Variants in TPTE2 observed in about 807,000 individuals in gnomAD.
TPTE2 encodes the protein transmembrane phosphoinositide 3-phosphatase and tensin homolog 2.
A neutral mutation model predicts 78.6 loss-of-function variants in TPTE2; 53 were observed. The ratio of observed to expected loss-of-function variants is 0.67; its 90% CI spans 0.54 to 0.85. The LOEUF is 0.85. Among genes scored for constraint, TPTE2 ranks in the 40% least tolerant of loss-of-function variants. The pLI, the probability that TPTE2 is intolerant of heterozygous loss-of-function variation, is 0.00. For missense variants in TPTE2, 461 were observed against 623.0 expected (o/e 0.74, Z 2.77); for synonymous variants, 175 against 206.2 (o/e 0.85, Z 1.30).
Position 19,475,514 on chromosome 13 carries a change from C to T in TPTE2, c.230+59G>A, listed in dbSNP as rs1879884047. ...GTGCTGGGATTACAGGCGTGAGCCA[C>T]TGCACCCAGCCAAGTCTCAGATATA... is the stretch of plus-strand genomic sequence containing the variant. On this transcript the variant is annotated intron_variant, in intron 5 of 19. Coordinates refer to ENST00000400230, the Ensembl canonical transcript of TPTE2. 3 of 1,586,718 alleles carry T rather than the reference C, an allele frequency of 1.9e-6. No homozygotes were observed. In the South Asian group the frequency reaches 3.5e-5, roughly 18 times the overall value.
intron 4 of TPTE2, among the ~76,000 whole-genome samples, chr13:19,476,126 G>C (rs1332233992): frequency 6.6e-6 from 1 of 152,124 alleles, no homozygotes; most frequent in Non-Finnish European, 1.5e-5. Flanking sequence ...ATGAGCAAGA[G>C]TCACATATGA....
At chr13:19,538,299 C>A (rs975649136), upstream of TPTE2, among the ~76,000 whole-genome samples, 1 of 152,076 alleles carries the variant, frequency 6.6e-6, no homozygotes, top group East Asian at 1.9e-4. Flanking sequence ...CGGCTCACTG[C>A]AAGCTCCGCC....
intron 1 of TPTE2, among the ~76,000 whole-genome samples, chr13:19,533,976 T>C (rs1341089308): frequency 6.6e-6 from 1 of 152,238 alleles, no homozygotes; most frequent in Non-Finnish European, 1.5e-5. Context: ...GACAGGAACA[T>C]TAAATTTGTC....
At chr13:19,546,023 G>A in the TPTE2 span, among the ~76,000 whole-genome samples, 20 of 152,080 alleles carry the variant, frequency 1.3e-4, no homozygotes, top group African/African-American at 3.4e-4. Flanking sequence ...GTGAGACCCC[G>A]TCTCTACAGA....
intron 3 of TPTE2, among the ~76,000 whole-genome samples, chr13:19,492,508 T>C (rs1881051980): frequency 6.6e-6 from 1 of 152,100 alleles, no homozygotes; most frequent in South Asian, 2.1e-4. Context: ...GGGTGACAAA[T>C]ACACTAACAG....
At chr13:19,558,365 C>T in the TPTE2 span, among the ~76,000 whole-genome samples, 2 of 152,144 alleles carry the variant, frequency 1.3e-5, no homozygotes, top group Admixed American at 1.3e-4. Flanking sequence ...AGGCCTGACC[C>T]TATAAAGGCA....
At chr13:19,493,399 A>T (rs767002345) in intron 2 of TPTE2, 49 bp downstream of exon 5, 1 of 1,561,660 alleles carries the variant, frequency 6.4e-7, no homozygotes, top group Admixed American at 1.7e-5. Context: ...GTATAGTTCT[A>T]TGCACACTTA....
intron 1 of TPTE2, among the ~76,000 whole-genome samples, chr13:19,536,055 A>G (rs3933766): frequency 0.12 from 18,776 of 152,252 alleles, 1,268 homozygotes; most frequent in Middle Eastern, 0.16. Context: ...ACTTCCAAGC[A>G]TATAACGAAT....
chr13:19,521,799 G>A (rs1003954154), intron 1 of TPTE2, among the ~76,000 whole-genome samples: 2 of 151,934 alleles, frequency 1.3e-5, no homozygotes, highest in African/African-American at 4.8e-5. Flanking sequence ...CCATTGTGCT[G>A]TTAATGCCTT....
chr13:19,544,932 ACT>A, the TPTE2 span, among the ~76,000 whole-genome samples: 8 of 78,562 alleles, frequency 1.0e-4, no homozygotes, highest in South Asian at 5.4e-4. Flanking sequence ...ACACGTGCAC[ACT>A]CACACACACA....
intron 10 of TPTE2, among the ~76,000 whole-genome samples, chr13:19,457,210 A>C (rs1219609472): frequency 6.6e-6 from 1 of 152,196 alleles, no homozygotes; most frequent in Non-Finnish European, 1.5e-5. Flanking sequence ...TGTTGGTTAC[A>C]TGCATATATA....
At chr13:19,424,864 A>C in intron 19 of TPTE2, 83 bp downstream of exon 22, 1 of 896,538 alleles carries the variant, frequency 1.1e-6, no homozygotes, top group Non-Finnish European at 1.7e-6. Flanking sequence ...AGTTTATGAC[A>C]ACCAGCAAAA....
intron 1 of TPTE2, among the ~76,000 whole-genome samples, chr13:19,526,401 G>A (rs1487938542): frequency 1.3e-5 from 2 of 152,038 alleles, no homozygotes; most frequent in Non-Finnish European, 2.9e-5. Flanking sequence ...CAGCCTAAAA[G>A]CCTAAAAGCC....
chr13:19,464,867 C>T (rs1350315310), intron 9 of TPTE2, among the ~76,000 whole-genome samples: 2 of 152,194 alleles, frequency 1.3e-5, no homozygotes, highest in African/African-American at 4.8e-5. Flanking sequence ...GTGGGAACTC[C>T]CAAGGTGCTT....
chr13:19,516,026 A>G (rs1869769870), intron 1 of TPTE2, among the ~76,000 whole-genome samples: 1 of 152,224 alleles, frequency 6.6e-6, no homozygotes, highest in African/African-American at 2.4e-5. Context: ...GACTTCCCTC[A>G]TGGGACATGA....
chr13:19,542,108 C>A, the TPTE2 span, among the ~76,000 whole-genome samples: 2 of 152,116 alleles, frequency 1.3e-5, no homozygotes, highest in Non-Finnish European at 2.9e-5. Flanking sequence ...ATAATAGCTT[C>A]TTTAAAAATA....
exon 20 of TPTE2, chr13:19,422,943 C>G (rs1311169423): frequency 1.9e-5 from 23 of 1,184,168 alleles, no homozygotes; most frequent in Non-Finnish European, 2.7e-5. Context: ...ATAGATGCAT[C>G]ATCAAGGAAG....
chr13:19,506,317 G>A (rs1234200411), upstream of TPTE2, among the ~76,000 whole-genome samples: 9 of 148,836 alleles, frequency 6.0e-5, no homozygotes, highest in East Asian at 3.9e-4. Context: ...GACTACAGGC[G>A]CCCGCCACTA....
At chr13:19,514,013 T>A (rs943987259) in intron 1 of TPTE2, among the ~76,000 whole-genome samples, 9 of 152,136 alleles carry the variant, frequency 5.9e-5, no homozygotes, top group African/African-American at 2.2e-4. Context: ...GGGCACCAGC[T>A]CTGAAGGGTG....
Sources: gnomAD v4.1 joint callset for allele counts (sites outside exome capture counted in the v4.1 genomes callset) on GRCh38, gnomAD v4.1.1 for gene constraint, MANE v1.5 for transcripts, NCBI Gene and HGNC (gene_info 2026-07-23, HGNC 2026-07-21) for gene names.